TMEM132D: variants seen among roughly 807,000 people sequenced by gnomAD.
TMEM132D encodes transmembrane protein 132D, also known as mature OL transmembrane protein.
In TMEM132D, 21 loss-of-function variants were observed where a neutral mutation model predicts 62.3. The observed-to-expected ratio is 0.34, with a 90% CI of 0.24 to 0.49. The LOEUF (loss-of-function observed/expected upper bound fraction) is 0.49. TMEM132D is among the 20% of genes least tolerant of loss of function. TMEM132D has a pLI of 0.99. For synonymous variants in TMEM132D, 621 were observed against 575.6 expected (o/e 1.08, Z -1.13); for missense variants, 1,346 against 1,402.8 (o/e 0.96, Z 0.65).
At chr12:129,249,714 G>A (rs558519882) in intron 4 of TMEM132D, among the ~76,000 whole-genome samples, 6 of 152,164 alleles carry the variant, frequency 3.9e-5, no homozygotes, top group African/African-American at 1.2e-4. Flanking sequence ...TATTTACTTC[G>A]GCCGATGGAG....
chr12:129,902,655 C>T (rs187012822), intron 1 of TMEM132D, among the ~76,000 whole-genome samples: 7 of 152,314 alleles, frequency 4.6e-5, no homozygotes, highest in African/African-American at 1.4e-4. Flanking sequence ...GCTGCTGCTC[C>T]CAGCACCCTA....
intron 2 of TMEM132D, among the ~76,000 whole-genome samples, chr12:129,668,868 G>C (rs577712706): frequency 7.2e-5 from 11 of 152,310 alleles, no homozygotes; most frequent in East Asian, 5.8e-4. Context: ...TTGACTTATA[G>C]AGCCAATTAA....
intron 3 of TMEM132D, among the ~76,000 whole-genome samples, chr12:129,395,674 T>C (rs11060315): frequency 0.22 from 28,064 of 129,242 alleles, 2,973 homozygotes; most frequent in Non-Finnish European, 0.28. Context: ...AATACTATTA[T>C]GTCTGTATAT....
intron 2 of TMEM132D, among the ~76,000 whole-genome samples, chr12:129,573,261 G>A (rs559164639): frequency 2.0e-5 from 3 of 152,192 alleles, no homozygotes; most frequent in Non-Finnish European, 4.4e-5. Flanking sequence ...GAGGGCGCTG[G>A]AGAGGAAGCC....
At chr12:129,593,305 C>T (rs1373999744) in intron 2 of TMEM132D, among the ~76,000 whole-genome samples, 1 of 152,078 alleles carries the variant, frequency 6.6e-6, no homozygotes, top group Non-Finnish European at 1.5e-5. Context: ...GGCATCCTGG[C>T]AAAACTATCC....
chr12:129,203,013 G>T (rs1593294657), intron 5 of TMEM132D, among the ~76,000 whole-genome samples: 1 of 152,168 alleles, frequency 6.6e-6, no homozygotes, highest in Admixed American at 6.5e-5. Flanking sequence ...TTAGCCTAAA[G>T]CTGCCACATG....
At chr12:129,647,144 T>C (rs1223414154) in intron 2 of TMEM132D, among the ~76,000 whole-genome samples, 1 of 147,466 alleles carries the variant, frequency 6.8e-6, no homozygotes, top group Non-Finnish European at 1.5e-5. Context: ...ATATATATAC[T>C]CACAAACAAA....
intron 3 of TMEM132D, among the ~76,000 whole-genome samples, chr12:129,485,115 T>A (rs1357899572): frequency 6.6e-6 from 1 of 152,076 alleles, no homozygotes; most frequent in Non-Finnish European, 1.5e-5. Context: ...CAGGAGAGTG[T>A]GGTGGTGAGA....
At chr12:129,218,922 C>T (rs879503042) in intron 4 of TMEM132D, among the ~76,000 whole-genome samples, 9 of 152,108 alleles carry the variant, frequency 5.9e-5, no homozygotes, top group South Asian at 2.1e-4. Flanking sequence ...CAGAGGAACT[C>T]GATTTACAGA....
At chr12:129,416,244 TG>T (rs1467562103) in intron 3 of TMEM132D, among the ~76,000 whole-genome samples, 3 of 152,236 alleles carry the variant, frequency 2.0e-5, no homozygotes, top group Non-Finnish European at 4.4e-5. Context: ...AGCAGTGGTT[TG>T]TAGTTCTCCT....
chr12:129,531,298 G>C lies in TMEM132D; in HGVS notation c.969-93C>G, dbSNP rs1202294489. 3.7e-5 allele frequency: 53 copies of C among 1,436,040 alleles called. No homozygotes were observed. In the South Asian group the frequency reaches 7.6e-4, roughly 21 times the overall value. The allele number at this position is 1,436,040 out of a possible 1,614,324, so 89.0% of individuals were successfully genotyped here. ...AACACGGGGAGCTTAATTGCTCACCGTTGCCTGGCAGGTGTAAGCTCATGT... is the reference window on the plus strand; with the variant it reads ...AACACGGGGAGCTTAATTGCTCACCCTTGCCTGGCAGGTGTAAGCTCATGT... On this transcript the variant is annotated intron_variant, in intron 2 of 8. Coordinates refer to ENST00000422113, the MANE Select transcript of TMEM132D (RefSeq NM_133448.3).
At chr12:129,812,728 T>C (rs1872222578) in intron 1 of TMEM132D, among the ~76,000 whole-genome samples, 1 of 151,740 alleles carries the variant, frequency 6.6e-6, no homozygotes, top group African/African-American at 2.4e-5. Context: ...TTTCTTTTAC[T>C]CCACAGATCA....
intron 3 of TMEM132D, among the ~76,000 whole-genome samples, chr12:129,493,959 G>A (rs1024011022): frequency 2.0e-5 from 3 of 152,304 alleles, no homozygotes; most frequent in South Asian, 2.1e-4. Context: ...TGGGTGGCAG[G>A]ATGTGCCTTA....
intron 3 of TMEM132D, among the ~76,000 whole-genome samples, chr12:129,340,683 A>C (rs1869445274): frequency 6.6e-6 from 1 of 152,226 alleles, no homozygotes; most frequent in South Asian, 2.1e-4. Context: ...TATATGTGCC[A>C]CATTTTCTTA....
intron 2 of TMEM132D, among the ~76,000 whole-genome samples, chr12:129,545,721 A>G (rs1876714161): frequency 6.6e-6 from 1 of 152,190 alleles, no homozygotes; most frequent in Non-Finnish European, 1.5e-5. Context: ...AGGTGTAGAG[A>G]GTAAGTGTGG....
chr12:129,079,753 T>C (rs1373970113), intron 7 of TMEM132D, among the ~76,000 whole-genome samples: 3 of 152,190 alleles, frequency 2.0e-5, no homozygotes, highest in Non-Finnish European at 4.4e-5. Context: ...ATTGGGACAA[T>C]TTAAATGGTG....
chr12:129,332,332 A>T (rs771343126), intron 4 of TMEM132D, among the ~76,000 whole-genome samples: 18 of 152,232 alleles, frequency 1.2e-4, no homozygotes, highest in Non-Finnish European at 1.6e-4. Context: ...TTAGGGGGAA[A>T]AAAGGCAAAC....
At chr12:129,390,003 G>A (rs997639895) in intron 3 of TMEM132D, among the ~76,000 whole-genome samples, 3 of 152,176 alleles carry the variant, frequency 2.0e-5, no homozygotes, top group East Asian at 1.9e-4. Context: ...TGATATGGCC[G>A]TTCCTGTCGG....
intron 3 of TMEM132D, among the ~76,000 whole-genome samples, chr12:129,393,062 A>C (rs1871332685): frequency 6.6e-6 from 1 of 152,192 alleles, no homozygotes; most frequent in African/African-American, 2.4e-5. Context: ...AGAAGCTCAG[A>C]TATTTAGAGG....
Sources: allele counts gnomAD v4.1 joint callset (sites outside exome capture counted in the v4.1 genomes callset), GRCh38; gene constraint gnomAD v4.1.1; transcripts MANE v1.5; gene names NCBI Gene and HGNC (gene_info 2026-07-23, HGNC 2026-07-21).